SLC25A21: variants seen among roughly 807,000 people sequenced by gnomAD.
SLC25A21 encodes the protein mitochondrial 2-oxodicarboxylate carrier.
In SLC25A21, 47 loss-of-function variants were observed where a neutral mutation model predicts 43.8. That is an observed-to-expected ratio of 1.07 (90% CI 0.85 to 1.37). The LOEUF (loss-of-function observed/expected upper bound fraction) is 1.37. SLC25A21 is among the 40% of genes most tolerant of loss of function. SLC25A21 has a pLI of 0.00. For synonymous variants in SLC25A21, 131 were observed against 121.3 expected (o/e 1.08, Z -0.52); for missense variants, 352 against 350.2 (o/e 1.00, Z -0.04).
intron 1 of SLC25A21, among the ~76,000 whole-genome samples, chr14:36,941,071 T>C (rs80317709): frequency 0.076 from 11,604 of 152,106 alleles, 685 homozygotes; most frequent in East Asian, 0.23. Flanking sequence ...TATATCTACA[T>C]AGGTCCGGAA....
chr14:36,689,874 C>T (rs946332718), intron 7 of SLC25A21, among the ~76,000 whole-genome samples: 1 of 152,202 alleles, frequency 6.6e-6, no homozygotes, highest in Non-Finnish European at 1.5e-5. Flanking sequence ...CTCTTTGGAT[C>T]CTTGGGCTGG....
rs186958497 is a variant in SLC25A21, at chr14:37,034,690, A to G, written c.70+137591T>C. Among the ~76,000 whole-genome samples, 73 of 152,280 alleles carry G rather than the reference A, an allele frequency of 4.8e-4. 2 individuals carry two copies. The East Asian group carries it at 0.013, about 27-fold the overall frequency. ...CTCACTCTTCGCCTCCACAGCCACAATTTATTCATCCCAGAGTACACTCAA... is the reference window on the plus strand; with the variant it reads ...CTCACTCTTCGCCTCCACAGCCACAGTTTATTCATCCCAGAGTACACTCAA... On this transcript the variant is annotated intron_variant, in intron 1 of 9. Coordinates refer to ENST00000331299, the MANE Select transcript of SLC25A21 (RefSeq NM_030631.4).
At chr14:37,111,969 T>C (rs542480470) in intron 1 of SLC25A21, among the ~76,000 whole-genome samples, 2 of 152,338 alleles carry the variant, frequency 1.3e-5, no homozygotes, top group South Asian at 2.1e-4. Flanking sequence ...ATTCAATAAA[T>C]TGTTTTGCAC....
chr14:37,072,597 C>T (rs1023221970), intron 1 of SLC25A21, among the ~76,000 whole-genome samples: 2 of 152,104 alleles, frequency 1.3e-5, no homozygotes, highest in Non-Finnish European at 2.9e-5. Context: ...AAACACAAAA[C>T]TTAGTTGGGC....
chr14:36,821,008 C>A (rs1888606832), intron 2 of SLC25A21, among the ~76,000 whole-genome samples: 1 of 152,206 alleles, frequency 6.6e-6, no homozygotes, highest in African/African-American at 2.4e-5. Flanking sequence ...CTGTAATTAG[C>A]CTTTCTTACT....
At chr14:36,708,100 T>G (rs972891611) in intron 7 of SLC25A21, among the ~76,000 whole-genome samples, 10 of 152,038 alleles carry the variant, frequency 6.6e-5, no homozygotes, top group African/African-American at 2.4e-4. Flanking sequence ...ACTAACCAAA[T>G]AAATGAAAAT....
At chr14:37,031,981 C>T (rs1355783819) in intron 1 of SLC25A21, among the ~76,000 whole-genome samples, 1 of 152,138 alleles carries the variant, frequency 6.6e-6, no homozygotes, top group East Asian at 1.9e-4. Flanking sequence ...TAAAATTAAG[C>T]ATTTCAGTCC....
chr14:36,937,911 G>C (rs1402622931), intron 1 of SLC25A21, among the ~76,000 whole-genome samples: 1 of 152,256 alleles, frequency 6.6e-6, no homozygotes, highest in South Asian at 2.1e-4. Context: ...AGGAACAAAA[G>C]TATACAATAA....
At chr14:37,116,842 G>A (rs1180682979) in intron 1 of SLC25A21, among the ~76,000 whole-genome samples, 1 of 152,020 alleles carries the variant, frequency 6.6e-6, no homozygotes, top group Admixed American at 6.6e-5. Context: ...TGATTTAATT[G>A]CCCAGATTTC....
chr14:36,757,094 A>T (rs1039381969), intron 3 of SLC25A21, among the ~76,000 whole-genome samples: 5 of 106,734 alleles, frequency 4.7e-5, no homozygotes, highest in Non-Finnish European at 8.9e-5. Context: ...TCTTTACAAA[A>T]AAAAAAAAAA....
intron 6 of SLC25A21, among the ~76,000 whole-genome samples, chr14:36,721,194 C>T (rs749374383): frequency 6.6e-6 from 1 of 152,192 alleles, no homozygotes; most frequent in Non-Finnish European, 1.5e-5. Flanking sequence ...ATTCTCATAA[C>T]AATCATGTTG....
chr14:37,130,197 G>A (rs1407606055), intron 1 of SLC25A21, among the ~76,000 whole-genome samples: 1 of 152,020 alleles, frequency 6.6e-6, no homozygotes, highest in East Asian at 1.9e-4. Flanking sequence ...CCAGGAGTTA[G>A]AGGCTGCAGT....
intron 1 of SLC25A21, among the ~76,000 whole-genome samples, chr14:37,141,785 A>AT (rs1963575379): frequency 6.6e-6 from 1 of 152,142 alleles, no homozygotes; most frequent in African/African-American, 2.4e-5. Context: ...CACTGACTTT[A>AT]TTTTTCAGAA....
intron 3 of SLC25A21, among the ~76,000 whole-genome samples, chr14:36,777,898 A>G (rs1001641469): frequency 3.3e-5 from 5 of 152,170 alleles, no homozygotes; most frequent in Non-Finnish European, 7.4e-5. Flanking sequence ...CCATGAACAG[A>G]ATCTATACTC....
chr14:36,854,489 G>A (rs987528774), intron 2 of SLC25A21, among the ~76,000 whole-genome samples: 18 of 152,156 alleles, frequency 1.2e-4, no homozygotes, highest in Non-Finnish European at 1.8e-4. Flanking sequence ...TCAAATTTCA[G>A]TTTCCTCATC....
chr14:36,985,382 T>C (rs931863504), intron 1 of SLC25A21, among the ~76,000 whole-genome samples: 5 of 151,630 alleles, frequency 3.3e-5, no homozygotes, highest in African/African-American at 1.2e-4. Flanking sequence ...ATGTGAACCA[T>C]GGTTAAAAAT....
intron 1 of SLC25A21, among the ~76,000 whole-genome samples, chr14:37,006,467 A>G (rs545757104): frequency 6.6e-6 from 1 of 152,270 alleles, no homozygotes; most frequent in South Asian, 2.1e-4. Context: ...ACTTGCTAAA[A>G]TAAAGTCCCT....
chr14:37,017,785 A>G (rs1265676219), intron 1 of SLC25A21, among the ~76,000 whole-genome samples: 1 of 152,070 alleles, frequency 6.6e-6, no homozygotes, highest in Non-Finnish European at 1.5e-5. Context: ...TGAACAAATG[A>G]AAAGATTTTC....
chr14:36,961,141 T>A (rs569602346), intron 1 of SLC25A21, among the ~76,000 whole-genome samples: 21 of 152,086 alleles, frequency 1.4e-4, no homozygotes, highest in Admixed American at 5.9e-4. Context: ...CCCCAGAGCA[T>A]CTGATTCTGA....
Sources: gnomAD v4.1 joint callset for allele counts (sites outside exome capture counted in the v4.1 genomes callset) on GRCh38, gnomAD v4.1.1 for gene constraint, MANE v1.5 for transcripts, NCBI Gene and HGNC (gene_info 2026-07-23, HGNC 2026-07-21) for gene names.